Variants in CSMD1 observed in about 807,000 individuals in gnomAD.
CSMD1 encodes CUB and Sushi multiple domains 1, also known as CUB and sushi domain-containing protein 1.
A neutral mutation model predicts 417.5 loss-of-function variants in CSMD1; 213 were observed. That is an observed-to-expected ratio of 0.51 (90% confidence interval 0.46 to 0.57). The LOEUF is 0.57. Among genes scored for constraint, CSMD1 ranks in the 20% least tolerant of loss-of-function variants. The probability of loss-of-function intolerance (pLI) is 0.00; values close to 1 mark genes in which losing one functional copy is unlikely to be tolerated. For missense variants in CSMD1, 6,923 were observed against 4,529.7 expected, an observed-to-expected ratio of 1.53 and a Z score of -15.17; for synonymous variants, 2,862 against 1,736.8, an observed-to-expected ratio of 1.65 and a Z score of -16.11.
Position 3,102,111 on chromosome 8 carries a change from G to A in CSMD1, c.6949+4417C>T, listed in dbSNP as rs574749361. ...TCAAAGCACAACTTCTAAAAGTGTG[G>A]TTATGACATTTGAAGAAGACAGACT... On this transcript the variant is annotated intron_variant, in intron 46 of 69. Transcript: ENST00000635120. Among the ~76,000 whole-genome samples the A allele has an allele frequency of 2.0e-5, 3 of 152,252 alleles. No homozygotes were observed. In the South Asian group the frequency reaches 6.2e-4, roughly 32 times the overall value.
At chr8:3,167,957 G>A (rs1820335225) in intron 37 of CSMD1, among the ~76,000 whole-genome samples, 1 of 152,014 alleles carries the variant, frequency 6.6e-6, no homozygotes, top group Admixed American at 6.6e-5. Flanking sequence ...CAGGACAAAT[G>A]GGACTTTTGT....
At chr8:4,459,327 G>A (rs966263113) in intron 2 of CSMD1, among the ~76,000 whole-genome samples, 1 of 152,182 alleles carries the variant, frequency 6.6e-6, no homozygotes, top group African/African-American at 2.4e-5. Flanking sequence ...GCCACCAGGA[G>A]CAAACCAAGA....
At chr8:4,513,946 A>C (rs1399557739) in intron 2 of CSMD1, among the ~76,000 whole-genome samples, 3 of 152,204 alleles carry the variant, frequency 2.0e-5, no homozygotes, top group African/African-American at 7.2e-5. Flanking sequence ...TGAGTGATCC[A>C]AAGAATCACT....
intron 7 of CSMD1, among the ~76,000 whole-genome samples, chr8:3,680,454 C>T (rs1029911032): frequency 7.2e-5 from 11 of 152,138 alleles, no homozygotes; most frequent in Admixed American, 5.9e-4. Context: ...AGAGAAATTC[C>T]TTGACACATA....
At chr8:4,128,137 C>A (rs1019088677) in intron 3 of CSMD1, among the ~76,000 whole-genome samples, 1 of 152,102 alleles carries the variant, frequency 6.6e-6, no homozygotes, top group African/African-American at 2.4e-5. Context: ...GCACTCCCAC[C>A]CCCACCTCTG....
chr8:3,847,577 C>G (rs111791863), intron 5 of CSMD1, among the ~76,000 whole-genome samples: 2,746 of 152,104 alleles, frequency 0.018, 31 homozygotes, highest in African/African-American at 0.027. Flanking sequence ...TTCTTGAGGC[C>G]CTGAGAGAAG....
At chr8:4,307,002 G>A (rs1468628665) in intron 3 of CSMD1, among the ~76,000 whole-genome samples, 2 of 151,958 alleles carry the variant, frequency 1.3e-5, no homozygotes, top group Non-Finnish European at 2.9e-5. Flanking sequence ...CACCGCCCTG[G>A]TTCAGCCCCT....
intron 25 of CSMD1, among the ~76,000 whole-genome samples, chr8:3,297,998 G>GT (rs1325558302): frequency 1.3e-5 from 2 of 152,110 alleles, no homozygotes; most frequent in Admixed American, 1.3e-4. Context: ...ATAAAAAAGT[G>GT]TTTACCTTGA....
At chr8:4,597,970 A>G (rs1349409270) in intron 2 of CSMD1, among the ~76,000 whole-genome samples, 3 of 151,616 alleles carry the variant, frequency 2.0e-5, no homozygotes, top group Non-Finnish European at 1.5e-5. Context: ...ATTTTAAAAT[A>G]TATGTGATTT....
chr8:4,351,806 C>T (rs1349677988), intron 3 of CSMD1, among the ~76,000 whole-genome samples: 2 of 152,144 alleles, frequency 1.3e-5, no homozygotes, highest in African/African-American at 2.4e-5. Context: ...TCCAGCATCT[C>T]AAAAGGAGCA....
chr8:3,931,101 A>C (rs1011247611), intron 5 of CSMD1, among the ~76,000 whole-genome samples: 3 of 150,676 alleles, frequency 2.0e-5, no homozygotes, highest in Non-Finnish European at 4.4e-5. Flanking sequence ...TACATATATC[A>C]TTAAAGCCTA....
intron 49 of CSMD1, among the ~76,000 whole-genome samples, chr8:3,053,883 A>C (rs1222610677): frequency 2.0e-5 from 3 of 152,212 alleles, no homozygotes; most frequent in Non-Finnish European, 4.4e-5. Context: ...AGTATTAAAG[A>C]TATTGTTCAC....
At chr8:4,223,972 T>C (rs1801196770) in intron 3 of CSMD1, among the ~76,000 whole-genome samples, 1 of 152,164 alleles carries the variant, frequency 6.6e-6, no homozygotes, top group African/African-American at 2.4e-5. Context: ...CAACCACTTT[T>C]GAGAGCCTTT....
At chr8:3,588,603 A>AT (rs1031195405) in intron 8 of CSMD1, among the ~76,000 whole-genome samples, 7 of 152,056 alleles carry the variant, frequency 4.6e-5, no homozygotes, top group African/African-American at 7.2e-5. Flanking sequence ...TTTTTCATGC[A>AT]TTTTTTTCCT....
intron 2 of CSMD1, among the ~76,000 whole-genome samples, chr8:4,463,120 G>C (rs1040782731): frequency 1.3e-5 from 2 of 152,058 alleles, no homozygotes; most frequent in Non-Finnish European, 2.9e-5. Context: ...ACCAAGTATG[G>C]GCACAATAAT....
At chr8:4,859,236 C>T (rs961236287) in intron 1 of CSMD1, among the ~76,000 whole-genome samples, 6 of 151,844 alleles carry the variant, frequency 4.0e-5, no homozygotes, top group Admixed American at 2.6e-4. Context: ...AAACTGGATC[C>T]CTTCCTTACA....
intron 10 of CSMD1, among the ~76,000 whole-genome samples, chr8:3,541,600 C>G (rs976943421): frequency 6.8e-6 from 1 of 147,912 alleles, no homozygotes; most frequent in African/African-American, 2.5e-5. Flanking sequence ...ATAAAATACT[C>G]TAAAAATGGG....
chr8:4,599,343 T>C (rs920645974), intron 2 of CSMD1, among the ~76,000 whole-genome samples: 13 of 151,974 alleles, frequency 8.6e-5, no homozygotes, highest in African/African-American at 2.4e-4. Context: ...AACCCCAGAA[T>C]AGCATGGTCA....
intron 2 of CSMD1, among the ~76,000 whole-genome samples, chr8:4,505,457 G>T (rs989129500): frequency 2.0e-5 from 3 of 151,882 alleles, no homozygotes; most frequent in African/African-American, 4.8e-5. Flanking sequence ...AGTAATAATT[G>T]GTATTTTATT....
Sources: allele counts gnomAD v4.1 joint callset (sites outside exome capture counted in the v4.1 genomes callset), GRCh38; gene constraint gnomAD v4.1.1; transcripts MANE v1.5; gene names NCBI Gene and HGNC (gene_info 2026-07-23, HGNC 2026-07-21).